The following POU6F2 variants were observed in gnomAD, a reference collection of about 807,000 sequenced individuals.
POU6F2 encodes the protein POU class 6 homeobox 2, also known as POU domain, class 6, transcription factor 2.
Under a neutral mutation model 71.3 loss-of-function variants are expected in POU6F2, and 31 were observed. The ratio of observed to expected loss-of-function variants is 0.43; its 90% confidence interval spans 0.33 to 0.59. The LOEUF (loss-of-function observed/expected upper bound fraction) is 0.59, where lower values mean the gene tolerates loss of function less well. POU6F2 is among the 20% of genes least tolerant of loss of function. The pLI, the probability that POU6F2 is intolerant of heterozygous loss-of-function variation, is 0.04. For synonymous variants in POU6F2, 347 were observed against 355.7 expected (o/e 0.98, Z 0.27); for missense variants, 783 against 856.8 (o/e 0.91, Z 1.07).
At chr7:39,402,010 CAT>C (rs1408229437) in intron 5 of POU6F2, among the ~76,000 whole-genome samples, 7 of 152,204 alleles carry the variant, frequency 4.6e-5, no homozygotes, top group African/African-American at 7.2e-5. Context: ...TATTTTTGTA[CAT>C]GAGATTTATA....
At chr7:39,337,852 GA>G (rs1021891621) in intron 4 of POU6F2, among the ~76,000 whole-genome samples, 7 of 152,064 alleles carry the variant, frequency 4.6e-5, no homozygotes, top group African/African-American at 1.4e-4. Context: ...TGCTGTTATG[GA>G]AAACAAATAC....
At chr7:39,192,418 TG>T (rs1394733841) in intron 2 of POU6F2, among the ~76,000 whole-genome samples, 35 of 152,290 alleles carry the variant, frequency 2.3e-4, no homozygotes, top group African/African-American at 8.2e-4. Flanking sequence ...AGCAAATAAC[TG>T]AAATGGATAG....
chr7:39,132,947 T>C (rs970362108), intron 2 of POU6F2, among the ~76,000 whole-genome samples: 2 of 152,166 alleles, frequency 1.3e-5, no homozygotes, highest in Admixed American at 6.5e-5. Flanking sequence ...CTAACATCTG[T>C]CTCTATTAAG....
chr7:39,221,446 G>C (rs951424212), intron 4 of POU6F2, among the ~76,000 whole-genome samples: 2 of 142,678 alleles, frequency 1.4e-5, no homozygotes, highest in Non-Finnish European at 3.0e-5. Flanking sequence ...ACTGGAGTGC[G>C]GTGGCATGAT....
intron 4 of POU6F2, among the ~76,000 whole-genome samples, chr7:39,228,143 T>C (rs1224603993): frequency 6.6e-6 from 1 of 152,116 alleles, no homozygotes; most frequent in Non-Finnish European, 1.5e-5. Context: ...CACAAATAGG[T>C]TATAGGAGAA....
intron 4 of POU6F2, among the ~76,000 whole-genome samples, chr7:39,331,707 C>T (rs768181277): frequency 3.3e-4 from 50 of 152,198 alleles, no homozygotes; most frequent in Non-Finnish European, 6.6e-4. Flanking sequence ...GACGGGGTTT[C>T]ACCACGTTGG....
At chr7:39,049,617 A>T (rs1790365196) in intron 1 of POU6F2, among the ~76,000 whole-genome samples, 1 of 152,058 alleles carries the variant, frequency 6.6e-6, no homozygotes, top group Admixed American at 6.6e-5. Flanking sequence ...TATGCATCTT[A>T]AGTAATTACA....
chr7:39,442,395 A>G (rs1350908553), intron 7 of POU6F2, among the ~76,000 whole-genome samples: 1 of 152,226 alleles, frequency 6.6e-6, no homozygotes, highest in Non-Finnish European at 1.5e-5. Flanking sequence ...GGGAGCCAAC[A>G]TCAGGAGAAT....
intron 1 of POU6F2, among the ~76,000 whole-genome samples, chr7:38,993,386 G>A (rs1489073030): frequency 6.6e-6 from 1 of 152,114 alleles, no homozygotes; most frequent in Non-Finnish European, 1.5e-5. Flanking sequence ...TTGAATGAGT[G>A]TCATGCATAA....
chr7:39,171,679 A>C (rs1412292413), intron 2 of POU6F2, among the ~76,000 whole-genome samples: 2 of 152,246 alleles, frequency 1.3e-5, no homozygotes, highest in Non-Finnish European at 2.9e-5. Flanking sequence ...CGGAGCATTT[A>C]GCCATAGGAC....
At chr7:39,368,890 C>G (rs1786556224) in intron 5 of POU6F2, among the ~76,000 whole-genome samples, 1 of 152,132 alleles carries the variant, frequency 6.6e-6, no homozygotes. Context: ...TTGATTCCAA[C>G]CTTCATGAAT....
intron 4 of POU6F2, among the ~76,000 whole-genome samples, chr7:39,249,662 T>C (rs1353852216): frequency 2.0e-5 from 3 of 152,200 alleles, no homozygotes; most frequent in Non-Finnish European, 4.4e-5. Flanking sequence ...TTTGTAATAG[T>C]GTAATTGCCT....
chr7:39,381,115 G>A (rs1363976232), intron 5 of POU6F2, among the ~76,000 whole-genome samples: 1 of 152,158 alleles, frequency 6.6e-6, no homozygotes, highest in Non-Finnish European at 1.5e-5. Context: ...AGGCTGCAGT[G>A]CAGTGGTGCG....
chr7:39,219,847 TAGC>T (rs2128748164), intron 4 of POU6F2, among the ~76,000 whole-genome samples: 1 of 152,284 alleles, frequency 6.6e-6, no homozygotes, highest in East Asian at 1.9e-4. Context: ...TAGAAATTCT[TAGC>T]AGAACATATA....
At chr7:39,073,195 A>C (rs982531542) in intron 1 of POU6F2, among the ~76,000 whole-genome samples, 6 of 152,172 alleles carry the variant, frequency 3.9e-5, no homozygotes, top group Non-Finnish European at 8.8e-5. Context: ...CAAACTAAAG[A>C]GGATGTAAGT....
intron 1 of POU6F2, among the ~76,000 whole-genome samples, chr7:39,019,700 G>T (rs1381021473): frequency 2.1e-5 from 3 of 141,784 alleles, no homozygotes; most frequent in African/African-American, 7.9e-5. Context: ...TTTCCATGTA[G>T]TGTTTCATCA....
chr7:39,324,062 A>G (rs1785456229), intron 4 of POU6F2, among the ~76,000 whole-genome samples: 1 of 150,644 alleles, frequency 6.6e-6, no homozygotes, highest in African/African-American at 2.4e-5. Context: ...GAGCCAAGAT[A>G]GCGCAACTGC....
At chr7:39,358,492 C>T (rs1786305034) in intron 5 of POU6F2, among the ~76,000 whole-genome samples, 1 of 152,148 alleles carries the variant, frequency 6.6e-6, no homozygotes, top group Admixed American at 6.5e-5. Flanking sequence ...CACAAATTCT[C>T]CTCGCCCAAC....
Position 39,071,358 on chromosome 7 carries a change from G to A in POU6F2, c.106-14502G>A, listed in dbSNP as rs1790875606. On this transcript the variant is annotated intron_variant, in intron 1 of 9. Transcript: ENST00000518318. ...GTGGTAATGCGAGCTATGGGGAGTG[G>A]CTATAAATACAGATGAAGTTTCACT... Among the ~76,000 whole-genome samples, 2 of 151,944 alleles carry A rather than the reference G, an allele frequency of 1.3e-5. 1 individual carries two copies. The highest frequency in any genetic ancestry group is 4.2e-4 in the South Asian group (2 of 4,810).
Sources: allele counts gnomAD v4.1 joint callset (sites outside exome capture counted in the v4.1 genomes callset), GRCh38; gene constraint gnomAD v4.1.1; transcripts MANE v1.5; gene names NCBI Gene and HGNC (gene_info 2026-07-23, HGNC 2026-07-21).